PRKCE: variants seen among roughly 807,000 people sequenced by gnomAD.
The protein encoded by PRKCE is protein kinase C epsilon type.
In PRKCE, 16 loss-of-function variants were observed where a neutral mutation model predicts 85.4. That is an observed-to-expected ratio of 0.19 (90% CI 0.13 to 0.28). The LOEUF (loss-of-function observed/expected upper bound fraction) is 0.28, where lower values mean the gene tolerates loss of function less well. Among genes scored for constraint, PRKCE ranks in the 10% least tolerant of loss-of-function variants. PRKCE has a pLI of 1.00. For missense variants in PRKCE, 573 were observed against 975.2 expected (o/e 0.59, Z 5.49); for synonymous variants, 388 against 371.5 (o/e 1.04, Z -0.51).
intron 1 of PRKCE, among the ~76,000 whole-genome samples, chr2:45,750,975 G>T (rs111868319): frequency 0.017 from 2,562 of 152,210 alleles, 69 homozygotes; most frequent in African/African-American, 0.058. Context: ...TGCTAGCTTT[G>T]TGTTTAAGGC....
At chr2:46,182,357 T>C (rs1165314983) in intron 14 of PRKCE, among the ~76,000 whole-genome samples, 7 of 152,298 alleles carry the variant, frequency 4.6e-5, no homozygotes, top group Admixed American at 4.6e-4. Context: ...GGGGATGGTC[T>C]TTGTTGTTTC....
chr2:45,852,955 G>C lies in PRKCE; in HGVS notation c.412+9892G>C, dbSNP rs74995079. ...CCAGCTCCCAGGAGATGTCTGTGCTGCTGGTCCCTGAACCGCACTTGGAGT... is the reference window on the plus strand; with the variant it reads ...CCAGCTCCCAGGAGATGTCTGTGCTCCTGGTCCCTGAACCGCACTTGGAGT... On this transcript the variant is annotated intron_variant, in intron 2 of 14. Coordinates refer to ENST00000306156, the MANE Select transcript of PRKCE (RefSeq NM_005400.3). Among the ~76,000 whole-genome samples, 1,091 of 152,308 alleles carry C rather than the reference G, an allele frequency of 7.2e-3. 14 individuals are homozygous for C. Among genetic ancestry groups the C allele is most frequent in the African/African-American group, 0.025 (1,051 of 41,550 alleles).
At chr2:46,072,576 A>G (rs1428208866) in intron 10 of PRKCE, among the ~76,000 whole-genome samples, 1 of 152,370 alleles carries the variant, frequency 6.6e-6, no homozygotes, top group South Asian at 2.1e-4. Flanking sequence ...TCAGGTCCTC[A>G]ATTTGATTTC....
chr2:45,679,045 T>A (rs564126691), intron 1 of PRKCE, among the ~76,000 whole-genome samples: 1 of 152,312 alleles, frequency 6.6e-6, no homozygotes, highest in Non-Finnish European at 1.5e-5. Flanking sequence ...AACTTCTACA[T>A]GGCTGACTGG....
chr2:45,977,781 T>A (rs995035928), intron 3 of PRKCE, among the ~76,000 whole-genome samples: 3 of 152,200 alleles, frequency 2.0e-5, no homozygotes, highest in Non-Finnish European at 4.4e-5. Flanking sequence ...GTCAGAAGTA[T>A]GATTCTACCC....
Position 45,907,809 on chromosome 2 carries a change from C to G in PRKCE, c.412+64746C>G, listed in dbSNP as rs1017524160. Among the ~76,000 whole-genome samples the G allele has an allele frequency of 1.3e-5, 2 of 152,164 alleles. No individual in the cohort carries two copies. The highest frequency in any genetic ancestry group is 2.9e-5 in the Non-Finnish European group (2 of 68,034). ...TTCTGAAGTGGGTGTCATAGCAGTC[C>G]CTACTTCACAGCCTCACCGTGCCCA... On this transcript the variant is annotated intron_variant, in intron 2 of 14. Coordinates refer to ENST00000306156, the MANE Select transcript of PRKCE (RefSeq NM_005400.3). This position sits in a 1 kb window ranked among gnomAD's most constrained non-coding sequence, Gnocchi z 4.5.
intron 6 of PRKCE, among the ~76,000 whole-genome samples, chr2:45,997,619 T>C (rs1248725102): frequency 2.0e-5 from 3 of 152,182 alleles, no homozygotes; most frequent in Admixed American, 6.5e-5. Context: ...TGATCTCGGC[T>C]CACTACAACC....
chr2:46,151,286 C>G, intron 13 of PRKCE, 57 bp downstream of exon 13: 2 of 502,114 alleles, frequency 4.0e-6, no homozygotes, highest in Non-Finnish European at 3.2e-6. Context: ...CCCCTACACA[C>G]ACACACACAC....
intron 11 of PRKCE, among the ~76,000 whole-genome samples, chr2:46,134,467 T>C (rs1181923805): frequency 6.6e-6 from 1 of 152,194 alleles, no homozygotes; most frequent in South Asian, 2.1e-4. Flanking sequence ...TGGGGTGCCA[T>C]TGAAGAATGC....
In PRKCE at chr2:46,186,793, T is replaced by A. The variant is rs1305334129; in HGVS notation, c.*1912T>A. ...CCATTAGAGAGTCTGTGTCCATATT[T>A]GCATCTGGCTGGTCATAGCCTTTGT... is the stretch of plus-strand genomic sequence containing the variant. On this transcript the variant is annotated 3_prime_UTR_variant, in exon 15 of 15. Coordinates refer to ENST00000306156, the MANE Select transcript of PRKCE (RefSeq NM_005400.3). 6.6e-6 allele frequency: 1 copy of A among 152,668 alleles called. No homozygotes were observed. Among genetic ancestry groups the A allele is most frequent in the Non-Finnish European group, 1.5e-5 (1 of 68,048 alleles). The allele number at this position is 152,668 out of a possible 1,614,324, so 9.5% of individuals were successfully genotyped here.
chr2:45,675,267 C>T (rs1175784354), intron 1 of PRKCE: 1 of 152,220 alleles, frequency 6.6e-6, no homozygotes, highest in Non-Finnish European at 1.5e-5. Flanking sequence ...CCCAGCGTGC[C>T]CCTTAGCACC....
intron 2 of PRKCE, among the ~76,000 whole-genome samples, chr2:45,913,683 C>G (rs1697544730): frequency 1.3e-5 from 2 of 152,244 alleles, no homozygotes; most frequent in African/African-American, 4.8e-5. Flanking sequence ...TCTATCCATG[C>G]ATATGTTCAC....
intron 2 of PRKCE, among the ~76,000 whole-genome samples, chr2:45,966,962 T>C (rs1054753243): frequency 6.6e-6 from 1 of 152,194 alleles, no homozygotes; most frequent in Non-Finnish European, 1.5e-5. Flanking sequence ...ATTGGATTAC[T>C]AAAGCCACAG....
chr2:45,823,970 G>A (rs1488826432), intron 1 of PRKCE, among the ~76,000 whole-genome samples: 1 of 152,244 alleles, frequency 6.6e-6, no homozygotes, highest in Non-Finnish European at 1.5e-5. Context: ...CACAGGATGT[G>A]CTCACTGGCT....
intron 10 of PRKCE, among the ~76,000 whole-genome samples, chr2:46,060,752 T>TG (rs1234808693): frequency 2.0e-5 from 3 of 151,516 alleles, no homozygotes; most frequent in Admixed American, 2.0e-4. Context: ...TCCTTTTTTT[T>TG]TTTTTTGTTT....
At chr2:45,910,049 C>T (rs951104883) in intron 2 of PRKCE, among the ~76,000 whole-genome samples, 1 of 151,890 alleles carries the variant, frequency 6.6e-6, no homozygotes, top group African/African-American at 2.4e-5. Flanking sequence ...CACCGCCCCC[C>T]CCCAGCCAAG....
At chr2:46,030,515 C>CA (rs1416673642) in intron 10 of PRKCE, among the ~76,000 whole-genome samples, 3 of 152,294 alleles carry the variant, frequency 2.0e-5, no homozygotes, top group Non-Finnish European at 4.4e-5. Context: ...GTGGCTGTTC[C>CA]ACCATGCCCC....
chr2:45,742,036 A>G (rs1052147276), intron 1 of PRKCE, among the ~76,000 whole-genome samples: 5 of 152,168 alleles, frequency 3.3e-5, no homozygotes, highest in Non-Finnish European at 7.3e-5. Context: ...GGTGCTCTCC[A>G]TCTCATTCTT....
chr2:45,990,983 GTTTCTTTCTTTCTTCC>G (rs1383723732), intron 6 of PRKCE, among the ~76,000 whole-genome samples: 2 of 149,472 alleles, frequency 1.3e-5, no homozygotes, highest in Non-Finnish European at 3.0e-5. Context: ...TATAATGTTA[GTTTCTTTCTTTCTTCC>G]TTTCTTTCTT....
Sources: allele counts gnomAD v4.1 joint callset (sites outside exome capture counted in the v4.1 genomes callset), GRCh38; gene constraint gnomAD v4.1.1; non-coding constraint Gnocchi (gnomAD v3.1); transcripts MANE v1.5; gene names NCBI Gene and HGNC (gene_info 2026-07-23, HGNC 2026-07-21).